The following UGGT2 variants were observed in gnomAD, a reference collection of about 807,000 sequenced individuals.
UGGT2 encodes the protein UDP-glucose:glycoprotein glucosyltransferase 2.
UGGT2 carries 180 observed loss-of-function variants against 192.1 expected under a neutral mutation model. That is an observed-to-expected ratio of 0.94 (90% CI 0.83 to 1.06). The LOEUF is 1.06. UGGT2 is among the 50% of genes least tolerant of loss of function. The pLI is 0.00. For missense variants in UGGT2, 1,849 were observed against 1,795.7 expected, an observed-to-expected ratio of 1.03 and a Z score of -0.54; for synonymous variants, 580 against 591.0, an observed-to-expected ratio of 0.98 and a Z score of 0.27.
chr13:96,045,866 G>A (rs61973970), intron 1 of UGGT2, among the ~76,000 whole-genome samples: 4,164 of 152,164 alleles, frequency 0.027, 66 homozygotes, highest in Non-Finnish European at 0.034. Context: ...CATACCCCAC[G>A]CTCATGGATG....
intron 1 of UGGT2, among the ~76,000 whole-genome samples, chr13:96,045,076 C>T (rs35685996): frequency 0.4 from 59,921 of 151,530 alleles, 11,988 homozygotes; most frequent in Middle Eastern, 0.43. Context: ...CTGATGAACA[C>T]AGATGTAAAA....
intron 1 of UGGT2, among the ~76,000 whole-genome samples, chr13:96,033,789 A>G (rs1453133634): frequency 1.3e-5 from 2 of 152,176 alleles, no homozygotes; most frequent in Non-Finnish European, 2.9e-5. Flanking sequence ...TTGGGCACCA[A>G]TGGGCATGGA....
Position 95,890,877 on chromosome 13 carries a change from CA to C in UGGT2, c.2942del (p.Met981ArgfsTer14), listed in dbSNP as rs1259716749. ...VDPLTREAQK[M>X]AQLLVVLGKI... ...ATTATCTTACAACCAACAACTGTGCCATTTTCTGTGCTTCTCTTGTTAATGG... is the reference window on the plus strand; with the variant it reads ...ATTATCTTACAACCAACAACTGTGCCTTTTCTGTGCTTCTCTTGTTAATGG... On this transcript the variant is annotated frameshift_variant, in exon 25 of 39. Transcript: ENST00000376747. LOFTEE classifies it high-confidence loss of function. 1 of 1,611,832 alleles carries C rather than the reference CA, an allele frequency of 6.2e-7. No individual in the cohort carries two copies. Among genetic ancestry groups the C allele is most frequent in the Admixed American group, 1.7e-5 (1 of 59,672 alleles).
At chr13:95,917,991 T>C (rs1338480304) in intron 20 of UGGT2, among the ~76,000 whole-genome samples, 1 of 151,924 alleles carries the variant, frequency 6.6e-6, no homozygotes, top group African/African-American at 2.4e-5. Context: ...AGACAGAAAA[T>C]TAACAAAAAT....
At chr13:96,012,481 T>G (rs965872970) in intron 5 of UGGT2, among the ~76,000 whole-genome samples, 1 of 151,872 alleles carries the variant, frequency 6.6e-6, no homozygotes, top group African/African-American at 2.4e-5. Flanking sequence ...GAGAAGATAC[T>G]GCGAAGTATG....
intron 1 of UGGT2, among the ~76,000 whole-genome samples, chr13:96,035,111 A>T (rs1052135847): frequency 6.6e-6 from 1 of 152,212 alleles, no homozygotes; most frequent in Non-Finnish European, 1.5e-5. Flanking sequence ...AGCCAAGACA[A>T]TCTGAAGCAA....
chr13:95,899,525 GTATC>G (rs2048043267), intron 22 of UGGT2, among the ~76,000 whole-genome samples: 1 of 151,954 alleles, frequency 6.6e-6, no homozygotes, highest in South Asian at 2.1e-4. Flanking sequence ...GAACATAACT[GTATC>G]TAGTATTTGT....
chr13:95,995,813 C>G, intron 7 of UGGT2: 2 of 444,200 alleles, frequency 4.5e-6, no homozygotes, highest in East Asian at 4.8e-5. Flanking sequence ...ATACTGTACA[C>G]CAAAACATTA....
intron 27 of UGGT2, among the ~76,000 whole-genome samples, chr13:95,879,895 A>T (rs2047444058): frequency 6.6e-6 from 1 of 151,828 alleles, no homozygotes; most frequent in Non-Finnish European, 1.5e-5. Context: ...GAATGTATTA[A>T]TTTTTTTTTA....
chr13:95,866,228 T>C (rs551962700), intron 30 of UGGT2, among the ~76,000 whole-genome samples: 4 of 152,358 alleles, frequency 2.6e-5, no homozygotes, highest in South Asian at 2.1e-4. Flanking sequence ...AAATCTGATA[T>C]GCATGTTTTA....
intron 12 of UGGT2, among the ~76,000 whole-genome samples, chr13:95,951,302 G>A (rs924436785): frequency 1.3e-5 from 2 of 152,150 alleles, no homozygotes; most frequent in African/African-American, 4.8e-5. Context: ...AATGAGAGGA[G>A]CTCAACAGCA....
intron 13 of UGGT2, among the ~76,000 whole-genome samples, chr13:95,948,460 C>CA (rs912816674): frequency 7.4e-5 from 11 of 148,174 alleles, no homozygotes; most frequent in Non-Finnish European, 1.2e-4. Flanking sequence ...GAATTTTGAC[C>CA]AAAAAAAAAT....
At chr13:95,900,440 C>T (rs773036558) in intron 22 of UGGT2, among the ~76,000 whole-genome samples, 7 of 152,084 alleles carry the variant, frequency 4.6e-5, no homozygotes, top group Non-Finnish European at 8.8e-5. Flanking sequence ...ACTGTAGGAA[C>T]AAGAAGAAAG....
intron 20 of UGGT2, among the ~76,000 whole-genome samples, chr13:95,914,893 T>C (rs544849817): frequency 8.6e-5 from 13 of 151,814 alleles, no homozygotes; most frequent in African/African-American, 1.7e-4. Flanking sequence ...AGTTCTGATA[T>C]AGACATTTTT....
chr13:95,890,893 C>T lies in UGGT2; in HGVS notation c.2927G>A (p.Arg976Lys). 1 of 1,612,908 alleles carries T rather than the reference C, an allele frequency of 6.2e-7. No individual in the cohort carries two copies. The highest frequency in any genetic ancestry group is 2.2e-5 in the East Asian group (1 of 44,744). Residue 976 changes from arginine (R) to lysine (K), a missense_variant, in exon 25 of 39, where the codon AGA (arginine) becomes AAA (lysine). By Grantham distance (26) the Arg-to-Lys change is conservative. Transcript: ENST00000376747. ...CAACTGTGCCATTTTCTGTGCTTCT[C>T]TTGTTAATGGATCAACAATAGCAAT... Reference protein sequence around the residue: ...NVIAIVDPLTREAQKMAQLLV... With the variant: ...NVIAIVDPLTKEAQKMAQLLV...
intron 7 of UGGT2, among the ~76,000 whole-genome samples, chr13:95,993,232 G>A (rs750702776): frequency 2.6e-5 from 4 of 152,090 alleles, no homozygotes; most frequent in African/African-American, 9.7e-5. Flanking sequence ...AATAGATACT[G>A]GGGTCTATTA....
At chr13:95,820,519 G>T (rs1165481131) in intron 38 of UGGT2, among the ~76,000 whole-genome samples, 1 of 152,108 alleles carries the variant, frequency 6.6e-6, no homozygotes, top group Non-Finnish European at 1.5e-5. Context: ...TATGAATATT[G>T]AGGCAAAAAT....
chr13:95,833,790 G>A (rs1051988473), intron 37 of UGGT2, among the ~76,000 whole-genome samples: 2 of 152,236 alleles, frequency 1.3e-5, no homozygotes, highest in African/African-American at 4.8e-5. Context: ...TATAAAAAAT[G>A]GATTTGCCAT....
chr13:95,970,419 T>C (rs816139), intron 11 of UGGT2, among the ~76,000 whole-genome samples, 157 bp from the exon 12 acceptor site: 53,292 of 151,960 alleles, frequency 0.35, 10,129 homozygotes, highest in East Asian at 0.46. Flanking sequence ...ATAAGGCAAA[T>C]AGTTCTAATT....
Sources: allele counts gnomAD v4.1 joint callset (sites outside exome capture counted in the v4.1 genomes callset), GRCh38; gene constraint gnomAD v4.1.1; transcripts MANE v1.5; gene names NCBI Gene and HGNC (gene_info 2026-07-23, HGNC 2026-07-21).